ARNT2: variants seen among roughly 807,000 people sequenced by gnomAD.
ARNT2 encodes the protein aryl hydrocarbon receptor nuclear translocator 2.
ARNT2 carries 36 observed loss-of-function variants against 91.7 expected under a neutral mutation model. The observed-to-expected ratio is 0.39, with a 90% CI of 0.30 to 0.52. The LOEUF is 0.52. Ranked by LOEUF, ARNT2 falls within the 20% of genes least tolerant of loss-of-function variation. The probability of loss-of-function intolerance (pLI) is 0.72; values close to 1 mark genes in which losing one functional copy is unlikely to be tolerated. For synonymous variants in ARNT2, 365 were observed against 347.1 expected (o/e 1.05, Z -0.57); for missense variants, 775 against 939.3 (o/e 0.83, Z 2.29).
intron 5 of ARNT2, among the ~76,000 whole-genome samples, chr15:80,476,840 T>C (rs2141399147): frequency 6.6e-6 from 1 of 152,386 alleles, no homozygotes; most frequent in Middle Eastern, 3.4e-3. Flanking sequence ...CATTTCTCAC[T>C]GATATGGTTT....
At chr15:80,458,517 C>G (rs1055383205) in intron 3 of ARNT2, among the ~76,000 whole-genome samples, 3 of 152,152 alleles carry the variant, frequency 2.0e-5, no homozygotes, top group Non-Finnish European at 2.9e-5. Context: ...GTATTGCCCC[C>G]TGGCCACGTG....
chr15:80,496,651 A>AG (rs1291757005), intron 5 of ARNT2, among the ~76,000 whole-genome samples: 23 of 152,176 alleles, frequency 1.5e-4, no homozygotes, highest in African/African-American at 5.1e-4. Context: ...CCAGGTTACT[A>AG]GGGGAGGGCC....
At chr15:80,507,815 A>G (rs11072921) in intron 5 of ARNT2, among the ~76,000 whole-genome samples, 63,832 of 152,056 alleles carry the variant, frequency 0.42, 14,417 homozygotes, top group African/African-American at 0.56. Context: ...AACGTGTTTT[A>G]GATTTAGCAG....
At chr15:80,533,915 CT>C (rs1353787107) in intron 8 of ARNT2, among the ~76,000 whole-genome samples, 1 of 152,232 alleles carries the variant, frequency 6.6e-6, no homozygotes, top group East Asian at 1.9e-4. Context: ...CTCTTTTCAC[CT>C]CACTGTGTCT....
At position 80,597,119 on chromosome 15, in the gene ARNT2, A is replaced by T. The variant is rs74700936; in HGVS notation, c.*3421A>T. On this transcript the variant is annotated 3_prime_UTR_variant, in exon 19 of 19. Coordinates refer to ENST00000303329, the MANE Select transcript of ARNT2 (RefSeq NM_014862.4). ...ACTCTTCCGTGTCAACAATGTGACT[A>T]CATGTTCTCCAGATTAGCCACACAT... 0.024 allele frequency: 12,628 copies of T among 518,556 alleles called. 215 individuals carry two copies. Among genetic ancestry groups the T allele is most frequent in the Non-Finnish European group, 0.033 (8,508 of 259,666 alleles). The allele number at this position is 518,556 out of a possible 1,614,324, so 32.1% of individuals were successfully genotyped here.
chr15:80,519,994 G>C (rs1897510721), intron 8 of ARNT2, among the ~76,000 whole-genome samples: 1 of 148,576 alleles, frequency 6.7e-6, no homozygotes, highest in Admixed American at 6.7e-5. Context: ...CACCGTGCCT[G>C]GCCGCTTTTT....
chr15:80,467,952 TA>T (rs535192123), intron 3 of ARNT2, among the ~76,000 whole-genome samples: 42 of 152,278 alleles, frequency 2.8e-4, no homozygotes, highest in Non-Finnish European at 5.9e-4. Context: ...CTGAATGCAC[TA>T]AATAACTCAA....
chr15:80,529,111 C>T (rs901598309), intron 8 of ARNT2, among the ~76,000 whole-genome samples: 1 of 152,204 alleles, frequency 6.6e-6, no homozygotes, highest in Admixed American at 6.5e-5. Context: ...TGAGCAGGTG[C>T]TTCATTTCAT....
chr15:80,483,513 C>T (rs1896921435), intron 5 of ARNT2, among the ~76,000 whole-genome samples: 1 of 152,168 alleles, frequency 6.6e-6, no homozygotes, highest in Admixed American at 6.5e-5. Flanking sequence ...AGGGCAGAGG[C>T]TGACTAGGCA....
intron 5 of ARNT2, among the ~76,000 whole-genome samples, chr15:80,486,618 T>A (rs761747981): frequency 2.6e-5 from 4 of 152,188 alleles, no homozygotes; most frequent in Non-Finnish European, 5.9e-5. Flanking sequence ...AGCCACAAAA[T>A]CCACTGCTTC....
intron 5 of ARNT2, among the ~76,000 whole-genome samples, chr15:80,482,303 A>C (rs1896902576): frequency 6.6e-6 from 1 of 152,146 alleles, no homozygotes; most frequent in South Asian, 2.1e-4. Flanking sequence ...TGATAAATAC[A>C]CTTGCCCAGG....
At chr15:80,567,936 T>C (rs1158093403) in intron 12 of ARNT2, among the ~76,000 whole-genome samples, 2 of 152,216 alleles carry the variant, frequency 1.3e-5, no homozygotes, top group Non-Finnish European at 2.9e-5. Flanking sequence ...GCAGACTTGT[T>C]ATGGAAAGAT....
chr15:80,566,263 T>G (rs1047803089), intron 12 of ARNT2, among the ~76,000 whole-genome samples: 3 of 150,744 alleles, frequency 2.0e-5, no homozygotes, highest in Non-Finnish European at 4.4e-5. Flanking sequence ...TTCCTCTAAC[T>G]CTGGGCAGAT....
At chr15:80,571,114 CA>C (rs1327382181) in intron 12 of ARNT2, among the ~76,000 whole-genome samples, 1 of 152,184 alleles carries the variant, frequency 6.6e-6, no homozygotes, top group Non-Finnish European at 1.5e-5. Context: ...AGTTGTTCCC[CA>C]GATGAAAGTT....
intron 1 of ARNT2, among the ~76,000 whole-genome samples, chr15:80,416,799 G>A (rs1895791836): frequency 6.6e-6 from 1 of 152,130 alleles, no homozygotes; most frequent in Non-Finnish European, 1.5e-5. Context: ...CCCCAAAAGT[G>A]CAGTTGTATC....
intron 11 of ARNT2, chr15:80,562,780 C>T (rs958577350): frequency 8.1e-6 from 3 of 370,234 alleles, no homozygotes; most frequent in Non-Finnish European, 1.5e-5. Context: ...CTCTGGCTTG[C>T]AGAGTTTTCA....
At chr15:80,583,503 G>T (rs1054358382) in intron 17 of ARNT2, among the ~76,000 whole-genome samples, 1 of 152,226 alleles carries the variant, frequency 6.6e-6, no homozygotes, top group Non-Finnish European at 1.5e-5. Context: ...GGGGCTCCAG[G>T]TTGGGTTTTT....
chr15:80,548,793 G>T (rs546959433), intron 8 of ARNT2, among the ~76,000 whole-genome samples: 1 of 152,152 alleles, frequency 6.6e-6, no homozygotes, highest in South Asian at 2.1e-4. Context: ...GTTCTTGGGA[G>T]GATAACTCAA....
chr15:80,412,620 A>G (rs545160306), intron 1 of ARNT2, among the ~76,000 whole-genome samples: 3 of 152,212 alleles, frequency 2.0e-5, no homozygotes, highest in African/African-American at 7.2e-5. Context: ...GAAGCTGCAT[A>G]TATTCTGTTT....
Sources: gnomAD v4.1 joint callset for allele counts (sites outside exome capture counted in the v4.1 genomes callset) on GRCh38, gnomAD v4.1.1 for gene constraint, MANE v1.5 for transcripts, NCBI Gene and HGNC (gene_info 2026-07-23, HGNC 2026-07-21) for gene names.